Variants in NOX4 observed in about 807,000 individuals in gnomAD.
NOX4 encodes kidney oxidase-1.
In NOX4, 69 loss-of-function variants were observed where a neutral mutation model predicts 87.6. That is an observed-to-expected ratio of 0.79 (90% CI 0.65 to 0.96). The LOEUF (loss-of-function observed/expected upper bound fraction) is 0.96. Ranked by LOEUF, NOX4 falls within the 40% of genes least tolerant of loss-of-function variation. The probability of loss-of-function intolerance (pLI) is 0.00; values close to 1 mark genes in which losing one functional copy is unlikely to be tolerated. For synonymous variants in NOX4, 275 were observed against 238.2 expected, an observed-to-expected ratio of 1.15 and a Z score of -1.42; for missense variants, 680 against 681.5, an observed-to-expected ratio of 1.00 and a Z score of 0.02.
chr11:89,574,583 C>A, the NOX4 span, among the ~76,000 whole-genome samples: 1 of 152,156 alleles, frequency 6.6e-6, no homozygotes, highest in Non-Finnish European at 1.5e-5. Context: ...TTTGCCATTA[C>A]CAGAAGTCTA....
chr11:89,556,016 A>T, the NOX4 span, among the ~76,000 whole-genome samples: 11 of 152,130 alleles, frequency 7.2e-5, no homozygotes, highest in Non-Finnish European at 1.3e-4. Flanking sequence ...TGCTAAAAAA[A>T]CCTTTGTGAA....
chr11:89,356,035 G>A (rs1025261440), intron 12 of NOX4, among the ~76,000 whole-genome samples: 22 of 152,128 alleles, frequency 1.4e-4, no homozygotes, highest in Admixed American at 1.2e-3. Flanking sequence ...AATGTTGAGT[G>A]AAATAAAATC....
At chr11:89,406,038 A>G (rs1390951064) in intron 8 of NOX4, among the ~76,000 whole-genome samples, 1 of 152,108 alleles carries the variant, frequency 6.6e-6, no homozygotes, top group Non-Finnish European at 1.5e-5. Flanking sequence ...GTTTTATCAA[A>G]CCAATACTTT....
intron 1 of NOX4, among the ~76,000 whole-genome samples, chr11:89,497,734 T>C (rs2135508962): frequency 6.6e-6 from 1 of 152,320 alleles, no homozygotes. Context: ...TCTGTTTTGT[T>C]CATTCTTGTT....
At chr11:89,337,558 G>C in intron 15 of NOX4, 43 bp from the exon 16 acceptor site, 1 of 1,598,802 alleles carries the variant, frequency 6.3e-7, no homozygotes, top group Non-Finnish European at 8.5e-7. Flanking sequence ...CAATTCTGTG[G>C]GTATACTCAG....
chr11:89,401,995 T>C (rs1312700028), intron 9 of NOX4, among the ~76,000 whole-genome samples: 1 of 152,054 alleles, frequency 6.6e-6, no homozygotes, highest in East Asian at 1.9e-4. Context: ...GTGGTAGGTT[T>C]TTTTAACTAC....
chr11:89,430,084 C>G (rs987194225), intron 7 of NOX4, among the ~76,000 whole-genome samples: 4 of 152,148 alleles, frequency 2.6e-5, no homozygotes, highest in Admixed American at 6.5e-5. Context: ...AGCATATAAA[C>G]AGAACCAAAG....
rs781234908 is a variant in NOX4, at chr11:89,449,397, G to T, written c.349+43C>A. On this transcript the variant is annotated intron_variant, in intron 4 of 17. Coordinates refer to ENST00000263317, the MANE Select transcript of NOX4 (RefSeq NM_016931.5). ...ATGTCTGGAATGTTTACATTTAAAT[G>T]TGTAATTCTAACAAATTATTTAATA... The T allele has an allele frequency of 2.2e-6, 3 of 1,389,982 alleles. No homozygotes were observed. In the African/African-American group the frequency reaches 4.3e-5, roughly 20 times the overall value. 86.1% of individuals were successfully genotyped at this position (1,389,982 alleles called of 1,614,324 possible).
At chr11:89,331,311 A>G (rs1028158044) in intron 17 of NOX4, among the ~76,000 whole-genome samples, 4 of 152,078 alleles carry the variant, frequency 2.6e-5, no homozygotes, top group Middle Eastern at 3.4e-3. Flanking sequence ...ATCAAAATGT[A>G]TAAGTTTTAG....
chr11:89,455,744 A>ATATATATATATATATG (rs1163284365), intron 2 of NOX4, among the ~76,000 whole-genome samples: 5 of 146,952 alleles, frequency 3.4e-5, no homozygotes, highest in African/African-American at 1.0e-4. Context: ...ATATATATAT[A>ATATATATATATATATG]TGAAACAAAA....
the NOX4 span, among the ~76,000 whole-genome samples, chr11:89,565,066 A>T: frequency 1.3e-5 from 2 of 152,138 alleles, no homozygotes; most frequent in Non-Finnish European, 2.9e-5. Flanking sequence ...ACTGGGATTT[A>T]GCCAGTGAAC....
chr11:89,514,752 A>G, the NOX4 span, among the ~76,000 whole-genome samples: 1 of 151,878 alleles, frequency 6.6e-6, no homozygotes, highest in Non-Finnish European at 1.5e-5. Context: ...TTCTATTATG[A>G]TGATGCATTA....
chr11:89,494,223 C>G (rs1051756549), upstream of NOX4, among the ~76,000 whole-genome samples: 1 of 152,136 alleles, frequency 6.6e-6, no homozygotes. Flanking sequence ...ATGACAGATA[C>G]CTTTGATTTT....
chr11:89,369,115 G>T (rs1407074366), intron 12 of NOX4, among the ~76,000 whole-genome samples: 1 of 152,034 alleles, frequency 6.6e-6, no homozygotes, highest in African/African-American at 2.4e-5. Flanking sequence ...TCTGTTCAGA[G>T]AGCTTTTCTA....
At chr11:89,486,601 CATATATATGTGTGT>C (rs1946621949) in intron 2 of NOX4, among the ~76,000 whole-genome samples, 1 of 95,672 alleles carries the variant, frequency 1.0e-5, no homozygotes, top group Non-Finnish European at 1.9e-5. Context: ...TGTATATATA[CATATATATGTGTGT>C]ATATATGTGT....
chr11:89,533,465 T>C, the NOX4 span, among the ~76,000 whole-genome samples: 1 of 152,048 alleles, frequency 6.6e-6, no homozygotes, highest in South Asian at 2.1e-4. Context: ...TAGGGTTACA[T>C]GACATAAGGT....
chr11:89,411,263 G>T lies in NOX4; in HGVS notation c.630-8721C>A, dbSNP rs183383502. 2.4e-4 allele frequency among the ~76,000 whole-genome samples: 37 copies of T among 152,268 alleles called. No individual in the cohort carries two copies. In the East Asian group the frequency reaches 6.4e-3, roughly 26 times the overall value. On this transcript the variant is annotated intron_variant, in intron 8 of 17. Coordinates refer to ENST00000263317, the MANE Select transcript of NOX4 (RefSeq NM_016931.5). ...CGCCATGGGCCTTGGGTGAGACTGA[G>T]AGATGTACTGGCTTTAGGTGTGACC...
chr11:89,555,081 T>C, the NOX4 span, among the ~76,000 whole-genome samples: 4 of 152,270 alleles, frequency 2.6e-5, no homozygotes, highest in East Asian at 7.7e-4. Flanking sequence ...AGACTTATAA[T>C]AGTTTCCTGC....
chr11:89,402,223 C>T (rs1013149205), intron 9 of NOX4, 103 bp downstream of exon 9: 33 of 827,722 alleles, frequency 4.0e-5, no homozygotes, highest in African/African-American at 3.4e-4. Flanking sequence ...CTGAAATATC[C>T]TATTATGCAT....
Sources: allele counts gnomAD v4.1 joint callset (sites outside exome capture counted in the v4.1 genomes callset), GRCh38; gene constraint gnomAD v4.1.1; transcripts MANE v1.5; gene names NCBI Gene and HGNC (gene_info 2026-07-23, HGNC 2026-07-21).